LRBA: variants seen among roughly 807,000 people sequenced by gnomAD.
LRBA encodes LPS responsive beige-like anchor protein.
A neutral mutation model predicts 330.0 loss-of-function variants in LRBA; 176 were observed. That is an observed-to-expected ratio of 0.53 (90% CI 0.47 to 0.60). The LOEUF is 0.60. LRBA is among the 20% of genes least tolerant of loss of function. The probability of loss-of-function intolerance (pLI) is 0.00; values close to 1 mark genes in which losing one functional copy is unlikely to be tolerated. For missense variants in LRBA, 3,259 were observed against 3,444.8 expected (o/e 0.95, Z 1.35); for synonymous variants, 1,230 against 1,193.0 (o/e 1.03, Z -0.64).
At chr4:150,878,095 G>C (rs1173669084) in intron 17 of LRBA, among the ~76,000 whole-genome samples, 1 of 152,094 alleles carries the variant, frequency 6.6e-6, no homozygotes, top group Non-Finnish European at 1.5e-5. Flanking sequence ...CACTTTAGGA[G>C]GTCAAGGTGG....
intron 35 of LRBA, among the ~76,000 whole-genome samples, chr4:150,747,371 T>C (rs1015154308): frequency 2.0e-5 from 3 of 152,370 alleles, no homozygotes; most frequent in African/African-American, 7.2e-5. Context: ...ATTTCAATTA[T>C]GTATTTACAA....
intron 39 of LRBA, among the ~76,000 whole-genome samples, chr4:150,589,242 T>C (rs768744670): frequency 1.3e-5 from 2 of 152,124 alleles, no homozygotes; most frequent in African/African-American, 2.4e-5. Context: ...AATGGGTGAA[T>C]AAGTGTTTCA....
At chr4:150,576,795 G>A (rs1770597876) in intron 40 of LRBA, among the ~76,000 whole-genome samples, 1 of 151,722 alleles carries the variant, frequency 6.6e-6, no homozygotes, top group Non-Finnish European at 1.5e-5. Flanking sequence ...GTACATAAAA[G>A]CATTTTATTT....
At chr4:151,013,814 TG>T (rs1466928984) in intron 2 of LRBA, 8 of 152,058 alleles carry the variant, frequency 5.3e-5, no homozygotes, top group Non-Finnish European at 1.0e-4. Context: ...AAAATTATAC[TG>T]TATCTGCTTC....
intron 35 of LRBA, among the ~76,000 whole-genome samples, chr4:150,755,237 A>T: frequency 6.6e-6 from 1 of 152,246 alleles, no homozygotes; most frequent in African/African-American, 2.4e-5. Flanking sequence ...AGACCAGTGT[A>T]TTAATACTCG....
chr4:150,635,959 T>A (rs1486919531), intron 37 of LRBA, among the ~76,000 whole-genome samples: 1 of 152,170 alleles, frequency 6.6e-6, no homozygotes, highest in East Asian at 1.9e-4. Flanking sequence ...TTGTAGAATG[T>A]CCCTCAATTT....
intron 33 of LRBA, among the ~76,000 whole-genome samples, chr4:150,802,152 C>T (rs914921454): frequency 8.2e-5 from 12 of 145,842 alleles, no homozygotes; most frequent in Admixed American, 7.8e-4. Context: ...CCCAGGAAGA[C>T]AAGGCTGCAG....
chr4:150,810,293 A>G (rs1049862363), intron 31 of LRBA, among the ~76,000 whole-genome samples: 1 of 152,228 alleles, frequency 6.6e-6, no homozygotes, highest in Admixed American at 6.5e-5. Flanking sequence ...ATCTTCCACA[A>G]TTAACCTCTG....
intron 15 of LRBA, 21 bp downstream of exon 15, chr4:150,897,718 G>T: frequency 6.5e-7 from 1 of 1,531,034 alleles, no homozygotes; most frequent in Non-Finnish European, 9.0e-7. Context: ...GTATGCTATG[G>T]AATAAGCAAC....
At chr4:150,843,310 GAA>G (rs1047503841) in intron 28 of LRBA, among the ~76,000 whole-genome samples, 1 of 152,072 alleles carries the variant, frequency 6.6e-6, no homozygotes, top group African/African-American at 2.4e-5. Flanking sequence ...AGGGGAAAAA[GAA>G]AAATTGAGGT....
chr4:150,536,504 G>A (rs926741315), intron 40 of LRBA, among the ~76,000 whole-genome samples: 1 of 152,146 alleles, frequency 6.6e-6, no homozygotes, highest in African/African-American at 2.4e-5. Flanking sequence ...TCTGGTGCTG[G>A]TAACATTCTG....
intron 2 of LRBA, among the ~76,000 whole-genome samples, chr4:150,949,549 AAAG>A (rs1489972809): frequency 6.6e-6 from 1 of 152,120 alleles, no homozygotes; most frequent in East Asian, 1.9e-4. Context: ...TAAAGAGTAC[AAAG>A]GATTTCTCTG....
At chr4:150,404,946 T>C (rs958601815) in intron 47 of LRBA, among the ~76,000 whole-genome samples, 6 of 152,192 alleles carry the variant, frequency 3.9e-5, no homozygotes, top group Non-Finnish European at 4.4e-5. Context: ...GTTCAGAATT[T>C]AGGTGTTCAG....
chr4:150,301,482 A>C (rs1435766024), intron 53 of LRBA, among the ~76,000 whole-genome samples: 1 of 152,154 alleles, frequency 6.6e-6, no homozygotes, highest in Non-Finnish European at 1.5e-5. Context: ...CATTGAATAA[A>C]AACTGTATTT....
intron 40 of LRBA, among the ~76,000 whole-genome samples, chr4:150,520,231 T>C (rs1416321987): frequency 1.3e-5 from 2 of 152,188 alleles, no homozygotes; most frequent in East Asian, 3.9e-4. Context: ...TGCAAATATA[T>C]TTTTTAAAGG....
At chr4:150,863,520 G>C (rs942156400) in intron 22 of LRBA, among the ~76,000 whole-genome samples, 2 of 152,050 alleles carry the variant, frequency 1.3e-5, no homozygotes, top group Non-Finnish European at 2.9e-5. Flanking sequence ...AAATTAGCCA[G>C]TTGCAGTGGC....
chr4:151,002,617 A>C (rs183775498), intron 2 of LRBA, among the ~76,000 whole-genome samples: 23 of 152,026 alleles, frequency 1.5e-4, no homozygotes, highest in African/African-American at 5.3e-4. Context: ...GACACAAGAG[A>C]ATAATGAAAA....
chr4:150,839,491 T>C (rs566343243), intron 28 of LRBA, among the ~76,000 whole-genome samples: 38 of 152,342 alleles, frequency 2.5e-4, no homozygotes, highest in Non-Finnish European at 3.5e-4. Flanking sequence ...CCAATCCAAA[T>C]GTCCATCAAT....
intron 30 of LRBA, among the ~76,000 whole-genome samples, chr4:150,819,420 CA>C (rs112942084): frequency 4.5e-4 from 64 of 141,090 alleles, no homozygotes; most frequent in South Asian, 3.6e-3. Context: ...AATTTTAGCT[CA>C]AAAAAAAAAA....
Sources: gnomAD v4.1 joint callset for allele counts (sites outside exome capture counted in the v4.1 genomes callset) on GRCh38, gnomAD v4.1.1 for gene constraint, MANE v1.5 for transcripts, NCBI Gene and HGNC (gene_info 2026-07-23, HGNC 2026-07-21) for gene names.